CUX2: variants seen among roughly 807,000 people sequenced by gnomAD.
CUX2 encodes cut like homeobox 2, also known as homeobox protein cut-like 2.
A neutral mutation model predicts 144.8 loss-of-function variants in CUX2; 40 were observed. That is an observed-to-expected ratio of 0.28 (90% CI 0.21 to 0.36). The LOEUF (loss-of-function observed/expected upper bound fraction) is 0.36, where lower values mean the gene tolerates loss of function less well. Ranked by LOEUF, CUX2 falls within the 10% of genes least tolerant of loss-of-function variation. CUX2 has a pLI of 1.00. For synonymous variants in CUX2, 827 were observed against 875.6 expected (o/e 0.94, Z 0.98); for missense variants, 1,615 against 1,994.0 (o/e 0.81, Z 3.62).
intron 1 of CUX2, among the ~76,000 whole-genome samples, chr12:111,064,764 A>G (rs1870953164): frequency 6.6e-6 from 1 of 152,166 alleles, no homozygotes; most frequent in South Asian, 2.1e-4. Context: ...GCTCTGCCTC[A>G]TATTTGCTGT....
At chr12:111,043,565 C>T (rs1162403009) in intron 1 of CUX2, among the ~76,000 whole-genome samples, 1 of 152,176 alleles carries the variant, frequency 6.6e-6, no homozygotes, top group Non-Finnish European at 1.5e-5. Context: ...GTAATCCCAG[C>T]ACTTTGGGAG....
intron 3 of CUX2, among the ~76,000 whole-genome samples, chr12:111,239,475 G>A (rs1003279462): frequency 6.6e-6 from 1 of 152,194 alleles, no homozygotes. Context: ...TCGGGTGTAC[G>A]CCTTAGCAGG....
At chr12:111,143,709 G>T (rs892626037) in intron 1 of CUX2, among the ~76,000 whole-genome samples, 1 of 152,156 alleles carries the variant, frequency 6.6e-6, no homozygotes, top group Non-Finnish European at 1.5e-5. Context: ...AGGCCTCGCC[G>T]CCTGATGCCT....
chr12:111,070,401 C>CTTCCTTCT (rs1871209483), intron 1 of CUX2, among the ~76,000 whole-genome samples: 1 of 2,276 alleles, frequency 4.4e-4, no homozygotes, highest in East Asian at 0.026. Flanking sequence ...TCTTTCCTTC[C>CTTCCTTCT]TTCCTTCCTT....
chr12:111,087,209 C>A (rs929862188), intron 1 of CUX2, among the ~76,000 whole-genome samples: 1 of 151,276 alleles, frequency 6.6e-6, no homozygotes, highest in Non-Finnish European at 1.5e-5. Context: ...TAAACACACA[C>A]ACACAAAAAT....
rs142429440 is a variant in CUX2 at position 111,229,453 on chromosome 12, A to C, written c.222+11516A>C. 9.2e-4 allele frequency among the ~76,000 whole-genome samples: 140 copies of C among 152,226 alleles called. No individual in the cohort carries two copies. In the East Asian group the frequency reaches 9.7e-3, roughly 10 times the overall value. Reference sequence around the variant, plus strand: ...GAATCAGGCCCAGAGAGGGTGAGAAACCCATCTTAGGTCACACAGCCAGGA... The same window carrying C: ...GAATCAGGCCCAGAGAGGGTGAGAACCCCATCTTAGGTCACACAGCCAGGA... On this transcript the variant is annotated intron_variant, in intron 3 of 21. Coordinates refer to ENST00000261726, the MANE Select transcript of CUX2 (RefSeq NM_015267.4).
At chr12:111,174,446 G>A (rs1878724344) in intron 1 of CUX2, among the ~76,000 whole-genome samples, 1 of 152,242 alleles carries the variant, frequency 6.6e-6, no homozygotes, top group Non-Finnish European at 1.5e-5. Flanking sequence ...CGTGACATTA[G>A]CAGTTCCTTG....
At chr12:111,220,743 C>CAAAAAAAAAAA (rs549438290) in intron 3 of CUX2, among the ~76,000 whole-genome samples, 6 of 39,132 alleles carry the variant, frequency 1.5e-4, no homozygotes, top group African/African-American at 3.1e-4. Flanking sequence ...CTCATCTCTG[C>CAAAAAAAAAAA]AAAAAAAAAA....
rs1360982347 is a variant in CUX2 at position 111,144,076 on chromosome 12, C to T, written c.64-70124C>T. ...GCCTGTGTGACAGGCAGTGGACCCC[C>T]CACTGCCTGGTGCCTGTACTGCTGT... On this transcript the variant is annotated intron_variant, in intron 1 of 21. Transcript: ENST00000261726. Among the ~76,000 whole-genome samples the T allele has an allele frequency of 3.3e-5, 5 of 152,328 alleles. No individual in the cohort carries two copies. In the South Asian group the frequency reaches 1.0e-3, roughly 32 times the overall value.
In CUX2 at chr12:111,034,494, GGAGCGGCC is replaced by G. The variant is rs922969022; in HGVS notation, c.63+263_63+270del. 6.6e-5 allele frequency among the ~76,000 whole-genome samples: 10 copies of G among 151,770 alleles called. No individual in the cohort carries two copies. The highest frequency in any genetic ancestry group is 2.4e-4 in the African/African-American group (10 of 41,498). ...AAGCGCTAGTGAGCCCTCGGTCGGC[GGAGCGGCC>G]GAGCGGCCAGGCGGCCGGGCGAGGA... is the stretch of plus-strand genomic sequence containing the variant. On this transcript the variant is annotated intron_variant, in intron 1 of 21. Coordinates refer to ENST00000261726, the MANE Select transcript of CUX2 (RefSeq NM_015267.4). This position sits in a 1 kb window ranked among gnomAD's most constrained non-coding sequence, Gnocchi z 4.2.
intron 1 of CUX2, among the ~76,000 whole-genome samples, chr12:111,185,004 C>T (rs1879430281): frequency 6.6e-6 from 1 of 150,758 alleles, no homozygotes; most frequent in Admixed American, 6.6e-5. Flanking sequence ...GCGGAGCTTG[C>T]AGTGAACCAA....
At position 111,068,397 on chromosome 12, in the gene CUX2, C is replaced by A. The variant is rs572920342; in HGVS notation, c.63+34157C>A. On this transcript the variant is annotated intron_variant, in intron 1 of 21. Coordinates refer to ENST00000261726, the MANE Select transcript of CUX2 (RefSeq NM_015267.4). The surrounding 1 kb of genome is among the most constrained non-coding windows in gnomAD (Gnocchi z 4.9). Reference sequence around the variant, plus strand: ...CTGTATGAAAAGCCAGCCAGCCGGCCGATTTCTGTCCTTTGAAGACGCTTG... The same window carrying A: ...CTGTATGAAAAGCCAGCCAGCCGGCAGATTTCTGTCCTTTGAAGACGCTTG... 6.6e-6 allele frequency among the ~76,000 whole-genome samples: 1 copy of A among 152,212 alleles called. No individual in the cohort carries two copies. Among genetic ancestry groups the A allele is most frequent in the Admixed American group, 6.5e-5 (1 of 15,280 alleles).
chr12:111,192,492 A>G (rs1879955445), intron 1 of CUX2, among the ~76,000 whole-genome samples: 1 of 151,622 alleles, frequency 6.6e-6, no homozygotes, highest in South Asian at 2.1e-4. Flanking sequence ...AGAACTACAT[A>G]ACCTGCCTTC....
At chr12:111,131,249 C>G in intron 1 of CUX2, among the ~76,000 whole-genome samples, 1 of 152,106 alleles carries the variant, frequency 6.6e-6, no homozygotes, top group East Asian at 1.9e-4. Flanking sequence ...CCTGATAAAC[C>G]CATCAGATCT....
chr12:111,218,870 G>T (rs1330122750), intron 3 of CUX2, among the ~76,000 whole-genome samples: 2 of 82,978 alleles, frequency 2.4e-5, no homozygotes, highest in East Asian at 3.6e-4. Context: ...GCCCCACCCC[G>T]CCCATTTCTC....
chr12:111,305,132 C>T (rs1218549792), intron 10 of CUX2, among the ~76,000 whole-genome samples: 2 of 152,168 alleles, frequency 1.3e-5, no homozygotes, highest in Non-Finnish European at 2.9e-5. Context: ...CAAGGCCACC[C>T]CAACCTACCC....
chr12:111,065,210 C>T (rs1870968253), intron 1 of CUX2, among the ~76,000 whole-genome samples: 2 of 152,236 alleles, frequency 1.3e-5, no homozygotes, highest in South Asian at 4.1e-4. Context: ...GTCTCTAACA[C>T]AATGACTTAA....
intron 3 of CUX2, among the ~76,000 whole-genome samples, chr12:111,249,326 G>A (rs903154818): frequency 2.0e-5 from 3 of 150,908 alleles, no homozygotes; most frequent in Non-Finnish European, 4.4e-5. Flanking sequence ...AGAAGGATAC[G>A]GACCCCAGGG....
At chr12:111,238,676 C>A (rs973110862) in intron 3 of CUX2, among the ~76,000 whole-genome samples, 6 of 152,086 alleles carry the variant, frequency 3.9e-5, no homozygotes, top group Admixed American at 3.9e-4. Flanking sequence ...TGAACAAGAA[C>A]TACATAACCT....
Sources: allele counts gnomAD v4.1 joint callset (sites outside exome capture counted in the v4.1 genomes callset), GRCh38; gene constraint gnomAD v4.1.1; non-coding constraint Gnocchi (gnomAD v3.1); transcripts MANE v1.5; gene names NCBI Gene and HGNC (gene_info 2026-07-23, HGNC 2026-07-21).